Variants in MCC observed in about 807,000 individuals in gnomAD.
MCC encodes colorectal mutant cancer protein.
MCC carries 90 observed loss-of-function variants against 116.2 expected under a neutral mutation model. The ratio of observed to expected loss-of-function variants is 0.77; its 90% CI spans 0.65 to 0.92. MCC has a LOEUF of 0.92. Among genes scored for constraint, MCC ranks in the 40% least tolerant of loss-of-function variants. The probability of loss-of-function intolerance (pLI) is 0.00; values close to 1 mark genes in which losing one functional copy is unlikely to be tolerated. For synonymous variants in MCC, 578 were observed against 510.5 expected (o/e 1.13, Z -1.78); for missense variants, 1,516 against 1,312.2 (o/e 1.16, Z -2.40).
At chr5:113,288,607 T>G (rs1766353771) in intron 3 of MCC, among the ~76,000 whole-genome samples, 1 of 152,186 alleles carries the variant, frequency 6.6e-6, no homozygotes, top group African/African-American at 2.4e-5. Flanking sequence ...TTCATTTTTA[T>G]CAAAATATCT....
intron 1 of MCC, among the ~76,000 whole-genome samples, chr5:113,457,301 G>A (rs934016296): frequency 7.9e-5 from 12 of 152,246 alleles, no homozygotes; most frequent in South Asian, 2.1e-4. Flanking sequence ...CAGCGGCTGC[G>A]GAGGGTGTAC....
intron 1 of MCC, among the ~76,000 whole-genome samples, chr5:113,450,794 A>G (rs766258993): frequency 2.6e-4 from 39 of 152,342 alleles, no homozygotes; most frequent in Middle Eastern, 3.4e-3. Flanking sequence ...CACCATCAGC[A>G]TCTTCAGTAA....
intron 13 of MCC, among the ~76,000 whole-genome samples, chr5:113,066,803 C>T (rs534269842): frequency 1.3e-5 from 2 of 152,188 alleles, no homozygotes; most frequent in Non-Finnish European, 2.9e-5. Flanking sequence ...AAGCTCACAG[C>T]AGAAATCCAG....
intron 5 of MCC, among the ~76,000 whole-genome samples, chr5:113,140,800 A>G (rs921250338): frequency 6.6e-6 from 1 of 152,178 alleles, no homozygotes; most frequent in Admixed American, 6.5e-5. Flanking sequence ...TATGACAAGC[A>G]ATTCTGTAGA....
At chr5:113,260,346 G>A (rs868517440) in intron 3 of MCC, among the ~76,000 whole-genome samples, 2 of 151,918 alleles carry the variant, frequency 1.3e-5, no homozygotes, top group African/African-American at 2.4e-5. Flanking sequence ...ATTGATTTGC[G>A]CTTTTGCAAA....
chr5:113,084,185 A>G lies in MCC; in HGVS notation c.1551T>C (p.Ala517=). The part of the protein sequence containing the change: ...SSNDIPIAKI[A]ERVKLSKTRS... The stretch of plus-strand genomic sequence containing the variant: ...TTGTCTTTGATAGCTTCACCCTCTC[A>G]GCAATCTTAAAAAAGAAAACAAAAC... Residue 517 remains alanine, a synonymous_variant, in exon 10 of 19, where the codon GCT becomes GCC. Coordinates refer to ENST00000408903, the MANE Select transcript of MCC (RefSeq NM_001085377.2). The G allele has an allele frequency of 6.2e-7, 1 of 1,613,826 alleles. No homozygotes were observed.
chr5:113,028,725 AT>A (rs1475418880), intron 18 of MCC, among the ~76,000 whole-genome samples: 2 of 152,212 alleles, frequency 1.3e-5, no homozygotes, highest in Admixed American at 6.5e-5. Context: ...GTTACTGAGC[AT>A]TTCTTAGTTT....
intron 17 of MCC, among the ~76,000 whole-genome samples, chr5:113,030,315 C>T (rs892265638): frequency 6.6e-6 from 1 of 152,096 alleles, no homozygotes; most frequent in African/African-American, 2.4e-5. Context: ...TAAAGGGAGA[C>T]AAGCAGGGAA....
chr5:113,344,674 C>T (rs918946999), intron 2 of MCC, among the ~76,000 whole-genome samples: 1 of 151,980 alleles, frequency 6.6e-6, no homozygotes. Context: ...CATTTGTAGA[C>T]ATACCCTGGG....
intron 3 of MCC, among the ~76,000 whole-genome samples, chr5:113,321,801 C>T (rs1417824463): frequency 2.0e-5 from 3 of 152,082 alleles, no homozygotes; most frequent in African/African-American, 2.4e-5. Flanking sequence ...TCACTAGGTC[C>T]GGGGTGATGC....
At chr5:113,051,766 G>A (rs1212317020) in intron 15 of MCC, among the ~76,000 whole-genome samples, 3 of 151,970 alleles carry the variant, frequency 2.0e-5, no homozygotes, top group Non-Finnish European at 4.4e-5. Flanking sequence ...AAAGAAGAAT[G>A]GATTTGAAAA....
chr5:113,109,560 A>G (rs1756957110), intron 6 of MCC, among the ~76,000 whole-genome samples: 2 of 152,112 alleles, frequency 1.3e-5, no homozygotes, highest in African/African-American at 2.4e-5. Context: ...TGTCCTGGAA[A>G]TGGGTGGTGG....
At chr5:113,389,707 T>C (rs1195130619) in intron 1 of MCC, among the ~76,000 whole-genome samples, 1 of 152,176 alleles carries the variant, frequency 6.6e-6, no homozygotes, top group African/African-American at 2.4e-5. Flanking sequence ...TCAATTCCCT[T>C]TGAGATGTGT....
chr5:113,373,907 G>GT (rs5870539), intron 2 of MCC, among the ~76,000 whole-genome samples: 203 of 146,242 alleles, frequency 1.4e-3, no homozygotes, highest in East Asian at 6.8e-3. Flanking sequence ...TTTTGTTTTT[G>GT]TTTTTTTTTT....
chr5:113,084,258 G>C, intron 9 of MCC, 68 bp from the exon 10 acceptor site: 1 of 1,202,272 alleles, frequency 8.3e-7, no homozygotes. Context: ...TTGGGACTAC[G>C]CTTATACAGG....
chr5:113,132,209 AGTATT>A (rs1339750858), intron 5 of MCC, among the ~76,000 whole-genome samples: 1 of 151,624 alleles, frequency 6.6e-6, no homozygotes, highest in Admixed American at 6.6e-5. Context: ...TCCTAACAAT[AGTATT>A]GTAAAGTGAT....
chr5:113,264,768 C>A (rs915085156), intron 3 of MCC, among the ~76,000 whole-genome samples: 1 of 152,064 alleles, frequency 6.6e-6, no homozygotes, highest in Non-Finnish European at 1.5e-5. Context: ...CTGGGCCAGG[C>A]ATGGTGGCTC....
At chr5:113,065,685 T>A (rs1753555173) in intron 13 of MCC, among the ~76,000 whole-genome samples, 1 of 152,180 alleles carries the variant, frequency 6.6e-6, no homozygotes, top group African/African-American at 2.4e-5. Context: ...ACAGAATGAA[T>A]GCCTGTGACA....
At chr5:113,134,500 G>C (rs188079101) in intron 5 of MCC, among the ~76,000 whole-genome samples, 5 of 145,094 alleles carry the variant, frequency 3.4e-5, no homozygotes, top group Admixed American at 6.9e-5. Flanking sequence ...AACTCAAGTA[G>C]TGTGATCCCT....
Sources: gnomAD v4.1 joint callset for allele counts (sites outside exome capture counted in the v4.1 genomes callset) on GRCh38, gnomAD v4.1.1 for gene constraint, MANE v1.5 for transcripts, NCBI Gene and HGNC (gene_info 2026-07-23, HGNC 2026-07-21) for gene names.